The following ARHGAP6 variants were observed in gnomAD, a reference collection of about 807,000 sequenced individuals.
The protein encoded by ARHGAP6 is rho GTPase-activating protein 6.
In ARHGAP6, 16 loss-of-function variants were observed where a neutral mutation model predicts 55.7. That is an observed-to-expected ratio of 0.29 (90% CI 0.19 to 0.44). ARHGAP6 has a LOEUF of 0.44. Among genes scored for constraint, ARHGAP6 ranks in the 20% least tolerant of loss-of-function variants. The probability of loss-of-function intolerance (pLI) is 1.00; values close to 1 mark genes in which losing one functional copy is unlikely to be tolerated. For synonymous variants in ARHGAP6, 382 were observed against 360.9 expected (o/e 1.06, Z -0.66); for missense variants, 698 against 808.9 (o/e 0.86, Z 1.66).
intron 1 of ARHGAP6, among the ~76,000 whole-genome samples, chrX:11,651,682 G>A (rs1336454496): frequency 8.9e-6 from 1 of 111,776 alleles, no homozygotes; most frequent in African/African-American, 3.3e-5. Context: ...GGGTTAGATG[G>A]TAATTCTGTC....
At chrX:11,396,594 A>G (rs2049480182) in intron 1 of ARHGAP6, among the ~76,000 whole-genome samples, 1 of 111,902 alleles carries the variant, frequency 8.9e-6, no homozygotes, top group Admixed American at 9.5e-5. Flanking sequence ...TATTTTTGCT[A>G]GGTACCAGTC....
At chrX:11,382,462 A>G (rs1236001939) in intron 1 of ARHGAP6, among the ~76,000 whole-genome samples, 1 of 111,779 alleles carries the variant, frequency 8.9e-6, no homozygotes, top group Admixed American at 9.5e-5. Context: ...GTGATAAACT[A>G]TTGGCCTATT....
At chrX:11,247,425 A>G (rs1181606265) in intron 2 of ARHGAP6, among the ~76,000 whole-genome samples, 1 of 112,423 alleles carries the variant, frequency 8.9e-6, no homozygotes, top group Non-Finnish European at 1.9e-5. Context: ...TGCTATAGTG[A>G]TTGTGGCAGG....
intron 1 of ARHGAP6, among the ~76,000 whole-genome samples, chrX:11,570,103 G>T (rs937733629): frequency 8.9e-6 from 1 of 111,970 alleles, no homozygotes; most frequent in Non-Finnish European, 1.9e-5. Context: ...TTGAGAGGAT[G>T]ACTTTGAAAG....
chrX:11,490,836 G>A (rs891596324), intron 1 of ARHGAP6, among the ~76,000 whole-genome samples: 2 of 112,190 alleles, frequency 1.8e-5, no homozygotes, highest in Admixed American at 9.5e-5. Context: ...ACTTAAACAC[G>A]AATTTGACTT....
intron 7 of ARHGAP6, among the ~76,000 whole-genome samples, chrX:11,178,539 G>C (rs1045348075): frequency 1.0e-4 from 11 of 109,830 alleles, no homozygotes; most frequent in African/African-American, 3.6e-4. Flanking sequence ...CCCTTCCCTG[G>C]CATTACTCAT....
At chrX:11,250,821 T>C (rs1456237001) in intron 2 of ARHGAP6, among the ~76,000 whole-genome samples, 3 of 111,628 alleles carry the variant, frequency 2.7e-5, no homozygotes, top group Admixed American at 9.5e-5. Flanking sequence ...CCTTTTGGCC[T>C]GTGAGGTATT....
chrX:11,534,746 C>T (rs1478048408), intron 1 of ARHGAP6, among the ~76,000 whole-genome samples: 1 of 111,628 alleles, frequency 9.0e-6, no homozygotes, highest in Non-Finnish European at 1.9e-5. Context: ...TGATTTTAAA[C>T]TATATTCTAT....
chrX:11,426,237 T>A (rs1429328361), intron 1 of ARHGAP6, among the ~76,000 whole-genome samples: 1 of 111,723 alleles, frequency 9.0e-6, no homozygotes, highest in Non-Finnish European at 1.9e-5. Context: ...GTGTGCAATT[T>A]GCCCAATGGC....
intron 2 of ARHGAP6, among the ~76,000 whole-genome samples, chrX:11,231,317 T>TCCTAA (rs1425354057): frequency 8.9e-6 from 1 of 112,174 alleles, no homozygotes; most frequent in Non-Finnish European, 1.9e-5. Flanking sequence ...TAATATTGTC[T>TCCTAA]CACTCAGCAG....
At chrX:11,603,961 T>C (rs981042144) in intron 1 of ARHGAP6, among the ~76,000 whole-genome samples, 1 of 112,153 alleles carries the variant, frequency 8.9e-6, no homozygotes, top group Non-Finnish European at 1.9e-5. Flanking sequence ...TCCCATTCAG[T>C]GTCTCTGCTT....
intron 1 of ARHGAP6, among the ~76,000 whole-genome samples, chrX:11,499,955 A>C (rs1267775730): frequency 3.6e-5 from 4 of 112,343 alleles, no homozygotes; most frequent in Non-Finnish European, 7.5e-5. Context: ...TTTCTTCTCA[A>C]AGACTGATTC....
intron 1 of ARHGAP6, among the ~76,000 whole-genome samples, chrX:11,413,715 C>T (rs368142053): frequency 7.1e-5 from 8 of 112,306 alleles, no homozygotes; most frequent in African/African-American, 2.3e-4. Context: ...GTCTCCCTTT[C>T]GCACTGGTAA....
chrX:11,314,542 T>C (rs768600930), intron 1 of ARHGAP6, among the ~76,000 whole-genome samples: 122 of 112,629 alleles, frequency 1.1e-3, no homozygotes, highest in Non-Finnish European at 1.9e-3. Flanking sequence ...AAATTCAAGA[T>C]AATGTCCCAC....
At chrX:11,576,896 A>G (rs910358391) in intron 1 of ARHGAP6, among the ~76,000 whole-genome samples, 20 of 110,868 alleles carry the variant, frequency 1.8e-4, no homozygotes, top group Non-Finnish European at 1.1e-4. Flanking sequence ...TTTTTTTGTC[A>G]TTGTCCAGCT....
At chrX:11,655,847 C>T (rs996496062) in intron 1 of ARHGAP6, among the ~76,000 whole-genome samples, 1 of 112,526 alleles carries the variant, frequency 8.9e-6, no homozygotes, top group African/African-American at 3.2e-5. Flanking sequence ...TATCTGCATG[C>T]AGACTCCCTC....
chrX:11,423,232 C>T (rs2049842989), intron 1 of ARHGAP6, among the ~76,000 whole-genome samples: 1 of 113,032 alleles, frequency 8.8e-6, no homozygotes, highest in African/African-American at 3.2e-5. Flanking sequence ...CAGCATAGGC[C>T]TGCAACGGCG....
intron 1 of ARHGAP6, chrX:11,290,263 T>C (rs1404383230): frequency 8.4e-6 from 2 of 238,907 alleles, no homozygotes; most frequent in African/African-American, 5.8e-5. Context: ...ATGTTTACAA[T>C]GTCATGGAAA....
chrX:11,327,948 T>C (rs2048518062), intron 1 of ARHGAP6, among the ~76,000 whole-genome samples: 1 of 111,683 alleles, frequency 9.0e-6, no homozygotes, highest in South Asian at 3.8e-4. Flanking sequence ...TTACAGGTAC[T>C]TTACAGGTAC....
Sources: allele counts gnomAD v4.1 joint callset (sites outside exome capture counted in the v4.1 genomes callset), GRCh38; gene constraint gnomAD v4.1.1; transcripts MANE v1.5; gene names NCBI Gene and HGNC (gene_info 2026-07-23, HGNC 2026-07-21).